FAM227B: variants seen among roughly 807,000 people sequenced by gnomAD.
FAM227B encodes the protein family with sequence similarity 227 member B.
A neutral mutation model predicts 73.8 loss-of-function variants in FAM227B; 88 were observed. That is an observed-to-expected ratio of 1.19 (90% confidence interval 1.00 to 1.42). FAM227B has a LOEUF of 1.42. Ranked by LOEUF, FAM227B falls within the 40% of genes most tolerant of loss-of-function variation. The pLI, the probability that FAM227B is intolerant of heterozygous loss-of-function variation, is 0.00. For synonymous variants in FAM227B, 210 were observed against 190.5 expected (o/e 1.10, Z -0.84); for missense variants, 632 against 590.9 (o/e 1.07, Z -0.72).
intron 11 of FAM227B, among the ~76,000 whole-genome samples, chr15:49,501,983 A>T (rs1400082910): frequency 6.6e-6 from 1 of 152,186 alleles, no homozygotes; most frequent in Non-Finnish European, 1.5e-5. Flanking sequence ...AAGCTATAAA[A>T]CTTGGCAGCT....
intron 11 of FAM227B, among the ~76,000 whole-genome samples, chr15:49,493,362 C>T (rs905886561): frequency 5.3e-5 from 8 of 151,970 alleles, no homozygotes; most frequent in African/African-American, 1.9e-4. Context: ...GTCCAATCTC[C>T]TCACTGTTCA....
chr15:49,587,208 T>C (rs1383364217), intron 5 of FAM227B, among the ~76,000 whole-genome samples: 1 of 152,182 alleles, frequency 6.6e-6, no homozygotes. Flanking sequence ...GAGGCCATTA[T>C]CCTTAGCAAA....
At chr15:49,578,746 A>T (rs888420049) in intron 5 of FAM227B, among the ~76,000 whole-genome samples, 1 of 152,208 alleles carries the variant, frequency 6.6e-6, no homozygotes, top group Admixed American at 6.5e-5. Context: ...ATCAAATATG[A>T]TTGGAAAGAA....
chr15:49,376,169 C>CT (rs982461690), intron 11 of FAM227B, among the ~76,000 whole-genome samples: 1 of 151,914 alleles, frequency 6.6e-6, no homozygotes, highest in Admixed American at 6.6e-5. Flanking sequence ...AATTTTGTTG[C>CT]TTTTTTGGTG....
intron 4 of FAM227B, among the ~76,000 whole-genome samples, chr15:49,588,327 A>G (rs1488733185): frequency 1.3e-5 from 2 of 150,926 alleles, no homozygotes; most frequent in Non-Finnish European, 3.0e-5. Context: ...TGTCTGTGGC[A>G]CTTACTCCTA....
At chr15:49,567,233 T>A (rs1417587344) in intron 9 of FAM227B, among the ~76,000 whole-genome samples, 1 of 152,060 alleles carries the variant, frequency 6.6e-6, no homozygotes, top group Non-Finnish European at 1.5e-5. Flanking sequence ...TTGCTGCAAA[T>A]AAGAAAAAAC....
intron 14 of FAM227B, chr15:49,334,327 T>C (rs1377133401): frequency 1.4e-6 from 1 of 689,882 alleles, no homozygotes; most frequent in Admixed American, 6.3e-5. Context: ...AATTTTAAAA[T>C]AATGCAGGCA....
chr15:49,368,176 T>TG (rs929184110), intron 12 of FAM227B, among the ~76,000 whole-genome samples: 1 of 151,014 alleles, frequency 6.6e-6, no homozygotes, highest in Non-Finnish European at 1.5e-5. Context: ...GAGGTGCTGA[T>TG]GGAAAAAAAA....
At chr15:49,537,578 G>A (rs939807053) in intron 10 of FAM227B, among the ~76,000 whole-genome samples, 1 of 152,076 alleles carries the variant, frequency 6.6e-6, no homozygotes, top group Non-Finnish European at 1.5e-5. Context: ...ATTACCCAAA[G>A]GAAATGAAAT....
chr15:49,501,900 T>A (rs1381853688), intron 11 of FAM227B, among the ~76,000 whole-genome samples: 1 of 152,168 alleles, frequency 6.6e-6, no homozygotes, highest in Non-Finnish European at 1.5e-5. Context: ...GCTCTGTGCA[T>A]CCCAGCTGCT....
chr15:49,584,043 G>T (rs1473949501), intron 5 of FAM227B, among the ~76,000 whole-genome samples: 1 of 151,894 alleles, frequency 6.6e-6, no homozygotes, highest in Admixed American at 6.6e-5. Flanking sequence ...ACTAAAACCG[G>T]GCAGAGATAA....
chr15:49,328,848 A>G, intron 15 of FAM227B, 173 bp from the exon 16 acceptor site: 1 of 1,363,250 alleles, frequency 7.3e-7, no homozygotes, highest in Admixed American at 3.1e-5. Flanking sequence ...TAAACCATGT[A>G]ATATATAAAT....
At chr15:49,513,722 G>A (rs2059178771) in intron 10 of FAM227B, among the ~76,000 whole-genome samples, 1 of 151,944 alleles carries the variant, frequency 6.6e-6, no homozygotes, top group Admixed American at 6.6e-5. Flanking sequence ...GGGTTTTTAC[G>A]GTTTTTGGTT....
chr15:49,331,545 A>G (rs557919296), intron 15 of FAM227B: 17 of 458,512 alleles, frequency 3.7e-5, no homozygotes, highest in African/African-American at 3.3e-4. Context: ...CTTTTCAGTT[A>G]CATAAACTGT....
At chr15:49,534,497 G>C (rs933313899) in intron 10 of FAM227B, among the ~76,000 whole-genome samples, 3 of 151,764 alleles carry the variant, frequency 2.0e-5, no homozygotes, top group Admixed American at 6.6e-5. Flanking sequence ...CATGAGATGA[G>C]AAATGGATAG....
At chr15:49,443,394 G>T (rs575025162) in intron 11 of FAM227B, among the ~76,000 whole-genome samples, 1 of 150,822 alleles carries the variant, frequency 6.6e-6, no homozygotes, top group African/African-American at 2.4e-5. Context: ...TGTTTTGTTG[G>T]TGGCTTGGAC....
At chr15:49,414,629 A>G (rs1396966021) in intron 11 of FAM227B, among the ~76,000 whole-genome samples, 6 of 152,144 alleles carry the variant, frequency 3.9e-5, no homozygotes, top group Non-Finnish European at 8.8e-5. Context: ...AACATTTAAA[A>G]TGGATTGGAG....
At chr15:49,358,839 A>T (rs1361327307) in intron 13 of FAM227B, among the ~76,000 whole-genome samples, 1 of 151,912 alleles carries the variant, frequency 6.6e-6, no homozygotes, top group Non-Finnish European at 1.5e-5. Context: ...TTCAAACTAT[A>T]CTACAAGGCT....
chr15:49,615,067 C>G, intron 2 of FAM227B, 54 bp downstream of exon 2: 1 of 1,540,418 alleles, frequency 6.5e-7, no homozygotes, highest in Non-Finnish European at 9.0e-7. Context: ...ACCTGAAATT[C>G]CAAGAGAAAT....
Sources: gnomAD v4.1 joint callset for allele counts (sites outside exome capture counted in the v4.1 genomes callset) on GRCh38, gnomAD v4.1.1 for gene constraint, MANE v1.5 for transcripts, NCBI Gene and HGNC (gene_info 2026-07-23, HGNC 2026-07-21) for gene names.